The following SAMSN1 variants were observed in gnomAD, a reference collection of about 807,000 sequenced individuals.
The protein encoded by SAMSN1 is SAM domain, SH3 domain and nuclear localization signals 1, also known as SAM domain-containing protein SAMSN-1.
Under a neutral mutation model 42.0 loss-of-function variants are expected in SAMSN1, and 31 were observed. The observed-to-expected ratio is 0.74, with a 90% CI of 0.55 to 1.00. The LOEUF is 1.00. Ranked by LOEUF, SAMSN1 falls within the 50% of genes least tolerant of loss-of-function variation. The pLI, the probability that SAMSN1 is intolerant of heterozygous loss-of-function variation, is 0.00. For missense variants in SAMSN1, 464 were observed against 439.4 expected (o/e 1.06, Z -0.50); for synonymous variants, 178 against 151.9 (o/e 1.17, Z -1.26).
upstream of SAMSN1, among the ~76,000 whole-genome samples, chr21:14,546,931 G>A (rs1172869509): frequency 1.3e-5 from 2 of 151,910 alleles, no homozygotes; most frequent in Non-Finnish European, 2.9e-5. Flanking sequence ...AGATGGTCTC[G>A]ATCTCCTGAT....
At position 14,516,880 on chromosome 21, in the gene SAMSN1, G is replaced by A. The variant is rs1238512619; in HGVS notation, c.279+12C>T. 2 of 1,592,408 alleles carry A rather than the reference G, an allele frequency of 1.3e-6. No individual in the cohort carries two copies. Among genetic ancestry groups the A allele is most frequent in the South Asian group, 1.1e-5 (1 of 88,030 alleles). Reference sequence around the variant, plus strand: ...AGTAGAAAAATACAAATGATTATCAGAGAATATTTACCTTTTCCTCAGAAA... The same window carrying A: ...AGTAGAAAAATACAAATGATTATCAAAGAATATTTACCTTTTCCTCAGAAA... On this transcript the variant is annotated intron_variant, in intron 3 of 7. Transcript: ENST00000400566.
At chr21:14,534,691 G>C (rs1401697631) in intron 1 of SAMSN1, among the ~76,000 whole-genome samples, 4 of 151,956 alleles carry the variant, frequency 2.6e-5, no homozygotes, top group African/African-American at 9.7e-5. Flanking sequence ...ATTATTAAAT[G>C]GACATGTACT....
intron 5 of SAMSN1, among the ~76,000 whole-genome samples, chr21:14,503,130 A>G (rs954731586): frequency 6.6e-6 from 1 of 152,158 alleles, no homozygotes; most frequent in African/African-American, 2.4e-5. Context: ...CCCTTATATA[A>G]TAGGAGGGAC....
At position 14,511,543 on chromosome 21, in the gene SAMSN1, G is replaced by A. The variant is rs79988260; in HGVS notation, c.409+901C>T. Among the ~76,000 whole-genome samples, 571 of 152,232 alleles carry A rather than the reference G, an allele frequency of 3.8e-3. 2 individuals are homozygous for A. Among genetic ancestry groups the A allele is most frequent in the Admixed American group, 6.7e-3 (102 of 15,288 alleles). ...CTATTCTACAGCCAATAGGAAAATAGGAATAAAACTCAGGATATTTGAAAC... is the reference window on the plus strand; with the variant it reads ...CTATTCTACAGCCAATAGGAAAATAAGAATAAAACTCAGGATATTTGAAAC... On this transcript the variant is annotated intron_variant, in intron 4 of 7. Transcript: ENST00000400566.
intron 2 of SAMSN1, among the ~76,000 whole-genome samples, chr21:14,627,539 A>G (rs1222796011): frequency 6.6e-6 from 1 of 152,184 alleles, no homozygotes; most frequent in Admixed American, 6.6e-5. Flanking sequence ...ACTGATCTAG[A>G]ATTGAAGGCT....
chr21:14,594,104 G>T, intron 6 of SAMSN1: 1 of 670,430 alleles, frequency 1.5e-6, no homozygotes, highest in South Asian at 1.7e-5. Context: ...AGGAAATAGA[G>T]ACAACTAATG....
At chr21:14,652,348 G>A (rs936983174) in intron 1 of SAMSN1, among the ~76,000 whole-genome samples, 1 of 151,968 alleles carries the variant, frequency 6.6e-6, no homozygotes, top group Non-Finnish European at 1.5e-5. Context: ...CAGACACACA[G>A]ACCAATGTAA....
intron 2 of SAMSN1, among the ~76,000 whole-genome samples, chr21:14,635,495 G>A (rs760064793): frequency 2.0e-5 from 3 of 152,166 alleles, no homozygotes; most frequent in Non-Finnish European, 4.4e-5. Context: ...AGGTGTCTGA[G>A]GCAATTTGTG....
At chr21:14,572,248 T>A (rs1981324415) in intron 2 of SAMSN1, among the ~76,000 whole-genome samples, 1 of 152,234 alleles carries the variant, frequency 6.6e-6, no homozygotes, top group Non-Finnish European at 1.5e-5. Context: ...AGATGTTACA[T>A]ACATTATCTA....
intron 1 of SAMSN1, among the ~76,000 whole-genome samples, chr21:14,652,770 T>C (rs1017137594): frequency 7.2e-5 from 11 of 151,832 alleles, no homozygotes. Flanking sequence ...GGAGAAAACA[T>C]TTGCACAATA....
intron 5 of SAMSN1, among the ~76,000 whole-genome samples, chr21:14,503,778 T>C (rs1600868284): frequency 6.6e-6 from 1 of 152,020 alleles, no homozygotes. Flanking sequence ...GAATTTTGGC[T>C]CCAGAACGAT....
At chr21:14,577,284 A>ATATTTTT (rs1460040142) in intron 2 of SAMSN1, among the ~76,000 whole-genome samples, 16 of 53,850 alleles carry the variant, frequency 3.0e-4, no homozygotes, top group East Asian at 1.1e-3. Flanking sequence ...ATATATATAT[A>ATATTTTT]TTTTTTTTTT....
chr21:14,617,552 A>T (rs1454883555), intron 2 of SAMSN1, among the ~76,000 whole-genome samples: 2 of 152,184 alleles, frequency 1.3e-5, no homozygotes, highest in African/African-American at 4.8e-5. Flanking sequence ...AGTCTATGCA[A>T]TCGGGACCAA....
At chr21:14,657,698 C>T (rs1396348310) in intron 1 of SAMSN1, among the ~76,000 whole-genome samples, 1 of 151,770 alleles carries the variant, frequency 6.6e-6, no homozygotes, top group Non-Finnish European at 1.5e-5. Context: ...AATGGGATTT[C>T]TGCCATCAGA....
At chr21:14,560,289 A>G (rs7282042) in intron 2 of SAMSN1, among the ~76,000 whole-genome samples, 97,051 of 152,018 alleles carry the variant, frequency 0.64, 33,218 homozygotes, top group African/African-American at 0.88. Context: ...GATATTAGAG[A>G]CATGAAATTG....
chr21:14,585,388 A>G (rs1478579503), upstream of SAMSN1: 3 of 152,226 alleles, frequency 2.0e-5, no homozygotes, highest in African/African-American at 7.2e-5. Context: ...CCACTGAAAC[A>G]CTGGCAACAA....
chr21:14,646,432 A>G (rs1203795273), intron 1 of SAMSN1, among the ~76,000 whole-genome samples: 1 of 152,202 alleles, frequency 6.6e-6, no homozygotes, highest in Non-Finnish European at 1.5e-5. Context: ...ATATCTTTCA[A>G]ACATAAAGAA....
At chr21:14,500,867 C>T in intron 5 of SAMSN1, 132 bp from the exon 6 acceptor site, 1 of 735,178 alleles carries the variant, frequency 1.4e-6, no homozygotes, top group East Asian at 2.6e-5. Flanking sequence ...CAAATCTAAA[C>T]ATTCACTTGC....
At chr21:14,490,745 A>G (rs1428847219) in intron 7 of SAMSN1, among the ~76,000 whole-genome samples, 1 of 152,200 alleles carries the variant, frequency 6.6e-6, no homozygotes, top group African/African-American at 2.4e-5. Context: ...CCCTGAGGCC[A>G]TGAGAAGATA....
Sources: allele counts gnomAD v4.1 joint callset (sites outside exome capture counted in the v4.1 genomes callset), GRCh38; gene constraint gnomAD v4.1.1; transcripts MANE v1.5; gene names NCBI Gene and HGNC (gene_info 2026-07-23, HGNC 2026-07-21).